The following PPFIA3 variants were observed in gnomAD, a reference collection of about 807,000 sequenced individuals.
PPFIA3 encodes PPFI scaffold protein A3.
PPFIA3 carries 26 observed loss-of-function variants against 145.8 expected under a neutral mutation model. The observed-to-expected ratio is 0.18, with a 90% confidence interval of 0.13 to 0.25. PPFIA3 has a LOEUF of 0.25. Ranked by LOEUF, PPFIA3 falls within the 10% of genes least tolerant of loss-of-function variation. PPFIA3 has a pLI of 1.00. For missense variants in PPFIA3, 1,008 were observed against 1,587.8 expected, an observed-to-expected ratio of 0.63 and a Z score of 6.21; for synonymous variants, 645 against 661.4, an observed-to-expected ratio of 0.98 and a Z score of 0.38.
At chr19:49,148,852 G>A in intron 25 of PPFIA3, 89 bp downstream of exon 25, 5 of 1,517,274 alleles carry the variant, frequency 3.3e-6, no homozygotes, top group African/African-American at 1.6e-5. Context: ...GACCGGAGAA[G>A]CAAATTGGCA....
intron 1 of PPFIA3, among the ~76,000 whole-genome samples, chr19:49,123,836 A>AT (rs1267199313): frequency 2.0e-5 from 3 of 151,826 alleles, no homozygotes; most frequent in African/African-American, 4.8e-5. Context: ...ATTTTCTGTC[A>AT]TTTTTTCCCC....
At position 49,120,318 on chromosome 19, in the gene PPFIA3, T is replaced by C. The variant is rs1172951552; in HGVS notation, c.-16+596T>C. ...CTTTGACCCGGGAATACCCGGGCCC[T>C]CCCCGACCAGGGCGCCCCAGCCTCT... is the stretch of plus-strand genomic sequence containing the variant. On this transcript the variant is annotated intron_variant, in intron 1 of 29. Coordinates refer to ENST00000334186, the MANE Select transcript of PPFIA3 (RefSeq NM_003660.4). This position sits in a 1 kb window ranked among gnomAD's most constrained non-coding sequence, Gnocchi z 4.6. Among the ~76,000 whole-genome samples, 1 of 152,014 alleles carries C rather than the reference T, an allele frequency of 6.6e-6. No homozygotes were observed. Among genetic ancestry groups the C allele is most frequent in the Non-Finnish European group, 1.5e-5 (1 of 67,976 alleles).
At chr19:49,132,390 C>CAA (rs11351172) in intron 7 of PPFIA3, among the ~76,000 whole-genome samples, 775 of 43,684 alleles carry the variant, frequency 0.018, 87 homozygotes, top group African/African-American at 0.049. Context: ...CTCTCTCTCT[C>CAA]AAAAAAAAAA....
At chr19:49,134,552 C>G in intron 11 of PPFIA3, 87 bp from the exon 12 acceptor site, 1 of 1,252,144 alleles carries the variant, frequency 8.0e-7, no homozygotes, top group Non-Finnish European at 1.2e-6. Flanking sequence ...TCCCCTCAGG[C>G]CTGTCTGTGT....
chr19:49,149,184 G>T lies in PPFIA3; in HGVS notation c.3285+16G>T, dbSNP rs746217581. 2.5e-6 allele frequency: 4 copies of T among 1,613,854 alleles called. No homozygotes were observed. The South Asian group carries it at 4.4e-5, about 18-fold the overall frequency. On this transcript the variant is annotated intron_variant, in intron 26 of 29. Coordinates refer to ENST00000334186, the MANE Select transcript of PPFIA3 (RefSeq NM_003660.4). The surrounding 1 kb of genome is among the most constrained non-coding windows in gnomAD (Gnocchi z 5.7). Reference sequence around the variant, plus strand: ...GAATGCACAGGTGAGCTGCCGCTGGGCCCGGAGCATGCTGGGCGTCCCCAC... The same window carrying T: ...GAATGCACAGGTGAGCTGCCGCTGGTCCCGGAGCATGCTGGGCGTCCCCAC...
intron 20 of PPFIA3, 66 bp from the exon 21 acceptor site, chr19:49,142,738 C>T: frequency 6.9e-7 from 1 of 1,454,640 alleles, no homozygotes; most frequent in Non-Finnish European, 9.6e-7. Context: ...CCCTGTTCCC[C>T]CATCTCTCCG....
Position 49,138,433 on chromosome 19 carries a change from T to A in PPFIA3, c.2076+6T>A. The A allele has an allele frequency of 6.6e-7, 1 of 1,513,734 alleles. No homozygotes were observed. Among genetic ancestry groups the A allele is most frequent in the South Asian group, 1.3e-5 (1 of 77,236 alleles). The allele number at this position is 1,513,734 out of a possible 1,614,324, so 93.8% of individuals were successfully genotyped here. A position where few individuals can be genotyped will look rare whatever the true frequency, so the allele number is the denominator to read the frequency against. ...GTGAGGGCACCGACAAGGCTGTGAG[T>A]GCTCTGAAGTCTCCCCAGCCTAGTA... On this transcript the variant is annotated splice_donor_region_variant and intron_variant, in intron 16 of 29. Coordinates refer to ENST00000334186, the MANE Select transcript of PPFIA3 (RefSeq NM_003660.4).
In PPFIA3 at chr19:49,128,168, G is replaced by T. The variant is rs2041026728; in HGVS notation, c.240+55G>T. 1 of 1,466,742 alleles carries T rather than the reference G, an allele frequency of 6.8e-7. No individual in the cohort carries two copies. Among genetic ancestry groups the T allele is most frequent in the Non-Finnish European group, 9.0e-7 (1 of 1,111,378 alleles). 90.9% of individuals were successfully genotyped at this position (1,466,742 alleles called of 1,614,324 possible). On this transcript the variant is annotated intron_variant, in intron 2 of 29. Transcript: ENST00000334186. This position sits in a 1 kb window ranked among gnomAD's most constrained non-coding sequence, Gnocchi z 4.1. ...GGGGCGGGGCCTCGGGGGGAAGAAG[G>T]CGGTCCGGAAGGGGCCGGGCTTGGC...
chr19:49,150,983 A>T lies in PPFIA3; in HGVS notation c.*761A>T. On this transcript the variant is annotated 3_prime_UTR_variant, in exon 30 of 30. Coordinates refer to ENST00000334186, the MANE Select transcript of PPFIA3 (RefSeq NM_003660.4). ...GACTCTCGGTCGGCCTCCCCGCCCCAGGCGTCACTCAGTGATCACGGGTAA... is the reference window on the plus strand; with the variant it reads ...GACTCTCGGTCGGCCTCCCCGCCCCTGGCGTCACTCAGTGATCACGGGTAA... 8.0e-6 allele frequency: 2 copies of T among 250,188 alleles called. No homozygotes were observed. Among genetic ancestry groups the T allele is most frequent in the Non-Finnish European group, 1.5e-5 (2 of 134,080 alleles). 15.5% of individuals were successfully genotyped at this position (250,188 alleles called of 1,614,324 possible). A position where few individuals can be genotyped will look rare whatever the true frequency, so the allele number is the denominator to read the frequency against.
In PPFIA3 at chr19:49,149,892, C is replaced by A; in HGVS notation, c.3526+174C>A. Reference sequence around the variant, plus strand: ...GGATGAAATGGATAAATCCCACTCCCCCTTCCCAGGGCGGGAGTGAACTCG... The same window carrying A: ...GGATGAAATGGATAAATCCCACTCCACCTTCCCAGGGCGGGAGTGAACTCG... On this transcript the variant is annotated intron_variant, in intron 28 of 29. Coordinates refer to ENST00000334186, the MANE Select transcript of PPFIA3 (RefSeq NM_003660.4). This position sits in a 1 kb window ranked among gnomAD's most constrained non-coding sequence, Gnocchi z 5.7. 1 of 1,121,802 alleles carries A rather than the reference C, an allele frequency of 8.9e-7. No individual in the cohort carries two copies. Among genetic ancestry groups the A allele is most frequent in the Non-Finnish European group, 1.2e-6 (1 of 800,384 alleles). The allele number at this position is 1,121,802 out of a possible 1,614,324, so 69.5% of individuals were successfully genotyped here. A position where few individuals can be genotyped will look rare whatever the true frequency, so the allele number is the denominator to read the frequency against.
rs775589921 is a variant in PPFIA3, at chr19:49,128,044, G to C, written c.171G>C (p.Gln57His). The change falls in exon 2 of 30, where the codon CAG becomes CAC. Residue 57 changes from glutamine (Q) to histidine (H), a missense_variant. Transcript: ENST00000334186. The surrounding 1 kb of genome is among the most constrained non-coding windows in gnomAD (Gnocchi z 4.1). ...REAQDGLATA[Q>H]LRLRELGHEK... The stretch of plus-strand genomic sequence containing the variant: ...CACAGGACGGGTTGGCTACAGCGCA[G>C]CTGCGGCTGCGCGAGCTCGGCCACG... 6.3e-7 allele frequency: 1 copy of C among 1,595,358 alleles called. No homozygotes were observed. The highest frequency in any genetic ancestry group is 8.5e-7 in the Non-Finnish European group (1 of 1,178,402).
Position 49,134,681 on chromosome 19 carries a change from G to C in PPFIA3, c.1420G>C (p.Asp474His). 1 of 1,614,068 alleles carries C rather than the reference G, an allele frequency of 6.2e-7. No homozygotes were observed. The highest frequency in any genetic ancestry group is 8.5e-7 in the Non-Finnish European group (1 of 1,180,016). Residue 474 changes from aspartate (D) to histidine (H), a missense_variant, in exon 12 of 30, where the codon GAT (aspartate) becomes CAT (histidine). Asp to His is a moderately conservative substitution (Grantham distance 81). Around this residue, in one of 11 missense-constraint regions of PPFIA3, gnomAD observed 21 missense variants for 46.4 expected, o/e 0.45. Coordinates refer to ENST00000334186, the MANE Select transcript of PPFIA3 (RefSeq NM_003660.4). ...GATAGCCAACATGAAGAAGCTTCAG[G>C]ATGAGTTGCTGCTAAACAAGGTAGG... ...EEIANMKKLQ[D>H]ELLLNKEQLL...
At position 49,130,379 on chromosome 19, in the gene PPFIA3, C is replaced by G; in HGVS notation, c.659C>G (p.Thr220Ser). ...EEPGKDGDGQTLANGLGPGGD... is the reference protein window; with the variant it reads ...EEPGKDGDGQSLANGLGPGGD... ...TGTCCCCTCCTTCCCTCACTCCAGA[C>G]TCTTGCCAATGGCCTGGGTCCTGGC... The change falls in exon 7 of 30, where the codon ACT (threonine) becomes AGT (serine). Residue 220 changes from threonine to serine, a missense_variant and splice_region_variant. Around this residue, in one of 11 missense-constraint regions of PPFIA3, gnomAD observed 136 missense variants for 160.7 expected, o/e 0.85. Transcript: ENST00000334186. The surrounding 1 kb of genome is among the most constrained non-coding windows in gnomAD (Gnocchi z 4.5). The G allele has an allele frequency of 1.2e-6, 2 of 1,602,692 alleles. No homozygotes were observed. Among genetic ancestry groups the G allele is most frequent in the Non-Finnish European group, 1.7e-6 (2 of 1,174,492 alleles).
At position 49,136,855 on chromosome 19, in the gene PPFIA3, G is replaced by A; in HGVS notation, c.1797G>A (p.Val599=). The change falls in exon 15 of 30, where the codon GTG becomes GTA. Residue 599 remains valine, a synonymous_variant. Coordinates refer to ENST00000334186, the MANE Select transcript of PPFIA3 (RefSeq NM_003660.4). ...ELLSPSGQAD[V]QTLAIMLQEQ... The stretch of plus-strand genomic sequence containing the variant: ...TGTCCCCCAGTGGGCAGGCTGACGT[G>A]CAGACGCTGGCCATCATGCTTCAGG... 1.3e-6 allele frequency: 2 copies of A among 1,584,040 alleles called. No homozygotes were observed. The highest frequency in any genetic ancestry group is 8.6e-7 in the Non-Finnish European group (1 of 1,165,288).
At chr19:49,147,145 T>G (rs969972512) in intron 23 of PPFIA3, among the ~76,000 whole-genome samples, 1 of 152,168 alleles carries the variant, frequency 6.6e-6, no homozygotes, top group African/African-American at 2.4e-5. Flanking sequence ...TTCAGGACAT[T>G]GCAAGAGTGA....
intron 1 of PPFIA3, among the ~76,000 whole-genome samples, chr19:49,122,293 G>C (rs1009489539): frequency 6.6e-6 from 1 of 152,092 alleles, no homozygotes; most frequent in Non-Finnish European, 1.5e-5. Context: ...ATGTTGGTCA[G>C]ACTAGTCTCG....
Position 49,133,387 on chromosome 19 carries a change from G to T in PPFIA3, c.1161+16G>T, listed in dbSNP as rs549814901. The T allele has an allele frequency of 2.8e-5, 44 of 1,584,180 alleles. No homozygotes were observed. The South Asian group carries it at 4.2e-4, about 15-fold the overall frequency. The stretch of plus-strand genomic sequence containing the variant: ...GCTCAACAAGGTGCGGGGAGGACTC[G>T]GGTCGGGGCCTTGCGTGGGGAAGGG... On this transcript the variant is annotated intron_variant, in intron 9 of 29. Transcript: ENST00000334186. The surrounding 1 kb of genome is among the most constrained non-coding windows in gnomAD (Gnocchi z 7.2).
At chr19:49,143,156 C>T (rs971461111) in intron 21 of PPFIA3, 152 bp downstream of exon 21, 5 of 906,502 alleles carry the variant, frequency 5.5e-6, no homozygotes, top group Non-Finnish European at 8.3e-6. Flanking sequence ...CCACTCCTAA[C>T]TTGGCCTGTG....
At chr19:49,136,664 A>ACCCAGCGCCAACCTCGGCC in intron 14 of PPFIA3, 60 bp from the exon 15 acceptor site, 2 of 1,258,040 alleles carry the variant, frequency 1.6e-6, no homozygotes, top group Non-Finnish European at 2.1e-6. Flanking sequence ...ATGAGCCAAG[A>ACCCAGCGCCAACCTCGGCC]CCCAGCGCCA....
Sources: allele counts gnomAD v4.1 joint callset (sites outside exome capture counted in the v4.1 genomes callset), GRCh38; gene constraint gnomAD v4.1.1; regional missense constraint gnomAD v4.1.1; non-coding constraint Gnocchi (gnomAD v3.1); transcripts MANE v1.5; gene names NCBI Gene and HGNC (gene_info 2026-07-23, HGNC 2026-07-21).